The following CPNE4 variants were observed in gnomAD, a reference collection of about 807,000 sequenced individuals.
The protein encoded by CPNE4 is copine-4.
CPNE4 carries 25 observed loss-of-function variants against 67.9 expected under a neutral mutation model. The observed-to-expected ratio is 0.37, with a 90% CI of 0.27 to 0.51. CPNE4 has a LOEUF of 0.51. Among genes scored for constraint, CPNE4 ranks in the 20% least tolerant of loss-of-function variants. CPNE4 has a pLI of 0.93. For synonymous variants in CPNE4, 242 were observed against 244.9 expected, an observed-to-expected ratio of 0.99 and a Z score of 0.11; for missense variants, 464 against 690.8, an observed-to-expected ratio of 0.67 and a Z score of 3.68.
intron 1 of CPNE4, among the ~76,000 whole-genome samples, chr3:132,031,686 T>C (rs2107703866): frequency 6.6e-6 from 1 of 152,310 alleles, no homozygotes; most frequent in Admixed American, 6.5e-5. Flanking sequence ...GGGTGTTACA[T>C]TTCAAAGAAT....
At chr3:131,640,905 A>G (rs1194012655) in intron 7 of CPNE4, among the ~76,000 whole-genome samples, 1 of 152,218 alleles carries the variant, frequency 6.6e-6, no homozygotes, top group African/African-American at 2.4e-5. Flanking sequence ...AAACAAAAAC[A>G]TAAAGCAGGG....
rs186054748 is a variant in CPNE4, at chr3:131,809,482, T to C, written c.181-85857A>G. 9.9e-5 allele frequency among the ~76,000 whole-genome samples: 15 copies of C among 152,250 alleles called. No homozygotes were observed. In the East Asian group the frequency reaches 2.9e-3, roughly 29 times the overall value. ...CCACTGAATTTGCAGTAATTTGTTA[T>C]AACAAGCAAGAGAAAGTGAATACCC... On this transcript the variant is annotated intron_variant, in intron 2 of 15. Transcript: ENST00000429747.
intron 2 of CPNE4, among the ~76,000 whole-genome samples, chr3:131,728,667 T>C (rs2082056247): frequency 6.6e-6 from 1 of 151,816 alleles, no homozygotes; most frequent in South Asian, 2.1e-4. Flanking sequence ...TCCCAGCACT[T>C]TGGGAGGCCG....
chr3:131,952,559 G>A (rs1430664637), intron 1 of CPNE4, among the ~76,000 whole-genome samples: 1 of 133,238 alleles, frequency 7.5e-6, no homozygotes, highest in African/African-American at 2.6e-5. Flanking sequence ...CACCCCATCC[G>A]GGAGGGAGGT....
intron 1 of CPNE4, among the ~76,000 whole-genome samples, chr3:131,950,864 G>A (rs1344053210): frequency 6.6e-6 from 1 of 152,080 alleles, no homozygotes; most frequent in Non-Finnish European, 1.5e-5. Flanking sequence ...ATGAATCCGA[G>A]GCACATAAAA....
intron 1 of CPNE4, among the ~76,000 whole-genome samples, chr3:131,953,239 T>TAAAAAAAAA (rs1167094357): frequency 3.1e-5 from 3 of 97,120 alleles, no homozygotes; most frequent in African/African-American, 8.8e-5. Context: ...AATGATCAAT[T>TAAAAAAAAA]AAAAAAAAAA....
At chr3:131,775,102 C>G (rs2083260963) in intron 2 of CPNE4, among the ~76,000 whole-genome samples, 1 of 152,072 alleles carries the variant, frequency 6.6e-6, no homozygotes, top group Admixed American at 6.6e-5. Context: ...TTAAATAACC[C>G]AATCAGCTTC....
intron 7 of CPNE4, among the ~76,000 whole-genome samples, chr3:131,625,215 A>T (rs1373562552): frequency 6.6e-6 from 1 of 152,212 alleles, no homozygotes; most frequent in Non-Finnish European, 1.5e-5. Context: ...TATGGGGTCA[A>T]GGAACTATTA....
intron 7 of CPNE4, among the ~76,000 whole-genome samples, chr3:131,605,340 G>C (rs981459520): frequency 6.6e-6 from 1 of 152,034 alleles, no homozygotes; most frequent in Non-Finnish European, 1.5e-5. Context: ...CTGTGGTCCA[G>C]GTAGTGAGCA....
intron 2 of CPNE4, among the ~76,000 whole-genome samples, chr3:131,731,076 T>C (rs2082116551): frequency 6.6e-6 from 1 of 152,160 alleles, no homozygotes; most frequent in South Asian, 2.1e-4. Flanking sequence ...TGATCCAGCA[T>C]GACAAGTGTC....
At chr3:131,788,538 T>A (rs1052919269) in intron 2 of CPNE4, among the ~76,000 whole-genome samples, 1 of 152,150 alleles carries the variant, frequency 6.6e-6, no homozygotes, top group Non-Finnish European at 1.5e-5. Context: ...TGGAATTTAC[T>A]TATAGATTTG....
chr3:131,623,539 A>T (rs1170720575), intron 7 of CPNE4, among the ~76,000 whole-genome samples: 1 of 152,194 alleles, frequency 6.6e-6, no homozygotes, highest in Admixed American at 6.5e-5. Flanking sequence ...TACTCCTGGC[A>T]GGTGCTTCTT....
At chr3:131,926,077 T>C (rs921879123) in intron 1 of CPNE4, among the ~76,000 whole-genome samples, 3 of 152,160 alleles carry the variant, frequency 2.0e-5, no homozygotes, top group Non-Finnish European at 2.9e-5. Flanking sequence ...AGTGTAATTT[T>C]TAAAGGTAAG....
intron 2 of CPNE4, among the ~76,000 whole-genome samples, chr3:131,872,199 G>C (rs67477809): frequency 0.076 from 11,529 of 151,972 alleles, 572 homozygotes; most frequent in East Asian, 0.17. Context: ...TGTGTGTAGA[G>C]AGAGAGAGAG....
intron 2 of CPNE4, among the ~76,000 whole-genome samples, chr3:131,765,378 C>T (rs1423850008): frequency 2.0e-5 from 3 of 152,066 alleles, no homozygotes; most frequent in Non-Finnish European, 4.4e-5. Flanking sequence ...ATGAGACAAC[C>T]TAACAGCTTA....
chr3:131,652,631 G>A (rs1219545374), intron 7 of CPNE4, among the ~76,000 whole-genome samples: 4 of 152,096 alleles, frequency 2.6e-5, no homozygotes, highest in Non-Finnish European at 5.9e-5. Flanking sequence ...TTTAACCACT[G>A]AGAAGAATAT....
chr3:131,831,713 A>G (rs182907799), intron 2 of CPNE4, among the ~76,000 whole-genome samples: 6 of 152,294 alleles, frequency 3.9e-5, no homozygotes, highest in East Asian at 3.9e-4. Flanking sequence ...TTGAGTTTCA[A>G]TATATCCAGA....
At chr3:131,595,700 A>G (rs1938799761) in intron 7 of CPNE4, among the ~76,000 whole-genome samples, 1 of 152,148 alleles carries the variant, frequency 6.6e-6, no homozygotes, top group South Asian at 2.1e-4. Context: ...TAACTCACTC[A>G]TTACAGCAAG....
intron 5 of CPNE4, among the ~76,000 whole-genome samples, chr3:131,695,394 A>T (rs1279033648): frequency 6.6e-6 from 1 of 151,722 alleles, no homozygotes; most frequent in Non-Finnish European, 1.5e-5. Context: ...AACACTTCAA[A>T]GCCAACTGGT....
Sources: allele counts gnomAD v4.1 joint callset (sites outside exome capture counted in the v4.1 genomes callset), GRCh38; gene constraint gnomAD v4.1.1; transcripts MANE v1.5; gene names NCBI Gene and HGNC (gene_info 2026-07-23, HGNC 2026-07-21).